Variants in EPS15L1 observed in about 807,000 individuals in gnomAD.
EPS15L1 encodes epidermal growth factor receptor substrate 15-like 1.
A neutral mutation model predicts 117.1 loss-of-function variants in EPS15L1; 43 were observed. The observed-to-expected ratio is 0.37, with a 90% CI of 0.29 to 0.47. EPS15L1 has a LOEUF of 0.47. Among genes scored for constraint, EPS15L1 ranks in the 20% least tolerant of loss-of-function variants. The pLI, the probability that EPS15L1 is intolerant of heterozygous loss-of-function variation, is 0.99. For synonymous variants in EPS15L1, 459 were observed against 470.5 expected, an observed-to-expected ratio of 0.98 and a Z score of 0.32; for missense variants, 981 against 1,164.0, an observed-to-expected ratio of 0.84 and a Z score of 2.29.
At chr19:16,400,705 G>A in intron 16 of EPS15L1, 1 of 985,394 alleles carries the variant, frequency 1.0e-6, no homozygotes, top group Non-Finnish European at 1.2e-6. Flanking sequence ...AAGTTTCCAT[G>A]TAACGTATCT....
intron 22 of EPS15L1, among the ~76,000 whole-genome samples, chr19:16,367,840 A>G (rs1441767753): frequency 6.6e-6 from 1 of 152,082 alleles, no homozygotes; most frequent in Non-Finnish European, 1.5e-5. Flanking sequence ...AAAACGGTGA[A>G]TGCTATAAAA....
intron 1 of EPS15L1, among the ~76,000 whole-genome samples, chr19:16,450,535 C>A (rs1175906258): frequency 7.1e-6 from 1 of 140,286 alleles, no homozygotes; most frequent in Non-Finnish European, 1.5e-5. Flanking sequence ...GGCTGGAGTG[C>A]AATGGTGCGA....
chr19:16,407,766 T>C (rs1232685145), intron 13 of EPS15L1, among the ~76,000 whole-genome samples: 1 of 152,226 alleles, frequency 6.6e-6, no homozygotes, highest in Admixed American at 6.5e-5. Context: ...AGCTGCAGTT[T>C]CCTTCAGGGC....
intron 16 of EPS15L1, chr19:16,401,502 G>A (rs2092601508): frequency 2.0e-6 from 2 of 985,696 alleles, no homozygotes; most frequent in African/African-American, 1.7e-5. Flanking sequence ...GGAGGCAGCA[G>A]AGCACCAAGG....
intron 1 of EPS15L1, among the ~76,000 whole-genome samples, chr19:16,444,448 C>A (rs574008213): frequency 7.1e-4 from 108 of 152,246 alleles, no homozygotes; most frequent in Non-Finnish European, 1.3e-3. Flanking sequence ...CGTTAGATGA[C>A]AGTGTCCAGC....
At chr19:16,454,930 G>C (rs1484231066) in intron 1 of EPS15L1, among the ~76,000 whole-genome samples, 1 of 151,874 alleles carries the variant, frequency 6.6e-6, no homozygotes, top group East Asian at 1.9e-4. Flanking sequence ...AGCAGTTTGA[G>C]ACCAGCCTGG....
intron 23 of EPS15L1, chr19:16,358,194 C>T (rs542083227): frequency 6.5e-6 from 1 of 152,892 alleles, no homozygotes; most frequent in African/African-American, 2.4e-5. Flanking sequence ...TCTGTGTTTC[C>T]AAATGAAAGG....
intron 7 of EPS15L1, among the ~76,000 whole-genome samples, chr19:16,432,343 C>A (rs1024618072): frequency 6.6e-6 from 1 of 151,908 alleles, no homozygotes; most frequent in Non-Finnish European, 1.5e-5. Flanking sequence ...CCAAGGCAGG[C>A]GGATAATGAG....
intron 1 of EPS15L1, among the ~76,000 whole-genome samples, chr19:16,446,945 A>C (rs17723614): frequency 1.3e-5 from 2 of 152,262 alleles, no homozygotes; most frequent in Non-Finnish European, 2.9e-5. Flanking sequence ...AGTTAGGCAT[A>C]TAACACTGAA....
At chr19:16,425,383 G>A (rs944031291) in intron 8 of EPS15L1, 67 bp from the exon 9 acceptor site, 1 of 1,147,564 alleles carries the variant, frequency 8.7e-7, no homozygotes, top group Non-Finnish European at 1.3e-6. Flanking sequence ...GGAGAAGGCA[G>A]AGGGCAGCCC....
intron 1 of EPS15L1, among the ~76,000 whole-genome samples, chr19:16,451,351 G>C (rs2145128888): frequency 6.6e-6 from 1 of 152,236 alleles, no homozygotes; most frequent in Admixed American, 6.5e-5. Flanking sequence ...AATGCAAGGT[G>C]ACATTTGCAG....
intron 12 of EPS15L1, among the ~76,000 whole-genome samples, chr19:16,415,039 G>A (rs2092744967): frequency 6.6e-6 from 1 of 152,124 alleles, no homozygotes; most frequent in South Asian, 2.1e-4. Flanking sequence ...TAGAATTCGT[G>A]CATGTATTTC....
rs746480885 is a variant in EPS15L1, at chr19:16,434,506, T to G, written c.373-16A>C. Reference sequence around the variant, plus strand: ...TTTCTTCCACCTAGTTGGAAAGAAATAGCCCGAGTAAGTAGGAGAGCACAC... The same window carrying G: ...TTTCTTCCACCTAGTTGGAAAGAAAGAGCCCGAGTAAGTAGGAGAGCACAC... On this transcript the variant is annotated splice_polypyrimidine_tract_variant and intron_variant, in intron 6 of 23. Transcript: ENST00000455140. 1.2e-5 allele frequency: 19 copies of G among 1,610,682 alleles called. No individual in the cohort carries two copies. Among genetic ancestry groups the G allele is most frequent in the Admixed American group, 5.0e-5 (3 of 59,558 alleles).
intron 21 of EPS15L1, chr19:16,384,272 A>T (rs559515919): frequency 6.6e-6 from 1 of 152,254 alleles, no homozygotes; most frequent in Non-Finnish European, 1.5e-5. Flanking sequence ...GCTTTCCTTC[A>T]TTCCTGCCAA....
chr19:16,386,881 A>G (rs1302551490), intron 19 of EPS15L1, among the ~76,000 whole-genome samples: 1 of 152,242 alleles, frequency 6.6e-6, no homozygotes, highest in African/African-American at 2.4e-5. Flanking sequence ...CTGCCTGCTG[A>G]AACAAATCCA....
intron 13 of EPS15L1, 60 bp downstream of exon 13, chr19:16,413,713 A>G (rs976259990): frequency 7.6e-5 from 107 of 1,414,546 alleles, no homozygotes; most frequent in Non-Finnish European, 1.0e-4. Context: ...CAGGGAGGGA[A>G]GTTTTCCTGA....
At chr19:16,400,040 T>G (rs181303840) in intron 16 of EPS15L1, among the ~76,000 whole-genome samples, 1 of 152,288 alleles carries the variant, frequency 6.6e-6, no homozygotes, top group East Asian at 1.9e-4. Flanking sequence ...AATATGGCTT[T>G]AAGAACCCTG....
chr19:16,369,932 CG>C (rs2092197526), intron 22 of EPS15L1, among the ~76,000 whole-genome samples: 1 of 152,200 alleles, frequency 6.6e-6, no homozygotes, highest in Non-Finnish European at 1.5e-5. Flanking sequence ...GAGCCAGGCA[CG>C]GGGAGCCCTG....
chr19:16,454,718 C>G (rs2093178567), intron 1 of EPS15L1, among the ~76,000 whole-genome samples: 1 of 152,196 alleles, frequency 6.6e-6, no homozygotes, highest in South Asian at 2.1e-4. Context: ...AGCAAGAGAA[C>G]TGCCCCGAGC....
Sources: allele counts gnomAD v4.1 joint callset (sites outside exome capture counted in the v4.1 genomes callset), GRCh38; gene constraint gnomAD v4.1.1; transcripts MANE v1.5; gene names NCBI Gene and HGNC (gene_info 2026-07-23, HGNC 2026-07-21).